FAT3: variants seen among roughly 807,000 people sequenced by gnomAD.
The protein encoded by FAT3 is FAT atypical cadherin 3.
In FAT3, 95 loss-of-function variants were observed where a neutral mutation model predicts 310.2. That is an observed-to-expected ratio of 0.31 (90% CI 0.26 to 0.36). The LOEUF (loss-of-function observed/expected upper bound fraction) is 0.36. FAT3 is among the 10% of genes least tolerant of loss of function. The probability of loss-of-function intolerance (pLI) is 1.00; values close to 1 mark genes in which losing one functional copy is unlikely to be tolerated. For missense variants in FAT3, 5,408 were observed against 5,715.6 expected (o/e 0.95, Z 1.74); for synonymous variants, 2,314 against 2,192.9 (o/e 1.06, Z -1.54).
At chr11:92,789,652 A>G (rs1946985751) in intron 7 of FAT3, among the ~76,000 whole-genome samples, 1 of 152,226 alleles carries the variant, frequency 6.6e-6, no homozygotes, top group African/African-American at 2.4e-5. Context: ...TACATTGTGC[A>G]TCAAAGAATT....
rs540167094 is a variant in FAT3, at chr11:92,742,234, G to A, written c.3670-19622G>A. ...AAAGTCAAGTGAAACATACAAAGGA[G>A]TCATTCTATCTGAATGTGGTCTCTG... On this transcript the variant is annotated intron_variant, in intron 4 of 27. Coordinates refer to ENST00000525166, the MANE Select transcript of FAT3 (RefSeq NM_001367949.2). 2.0e-5 allele frequency among the ~76,000 whole-genome samples: 3 copies of A among 152,332 alleles called. No individual in the cohort carries two copies. The South Asian group carries it at 6.2e-4, about 32-fold the overall frequency.
intron 1 of FAT3, among the ~76,000 whole-genome samples, chr11:92,279,022 T>C (rs552480163): frequency 6.6e-6 from 1 of 152,250 alleles, no homozygotes; most frequent in African/African-American, 2.4e-5. Flanking sequence ...CAGTAACTCT[T>C]AAATAGGAAA....
At chr11:92,406,905 G>A (rs1950147769) in intron 2 of FAT3, among the ~76,000 whole-genome samples, 1 of 152,162 alleles carries the variant, frequency 6.6e-6, no homozygotes, top group Non-Finnish European at 1.5e-5. Flanking sequence ...GCCAGATGAG[G>A]AATCCACTCT....
chr11:92,651,696 TC>T (rs1942384990), intron 3 of FAT3, among the ~76,000 whole-genome samples: 1 of 152,178 alleles, frequency 6.6e-6, no homozygotes, highest in South Asian at 2.1e-4. Flanking sequence ...AAATGGTCAG[TC>T]CCCTGCACAC....
chr11:92,255,675 T>G (rs953127992), intron 1 of FAT3, among the ~76,000 whole-genome samples: 1 of 152,154 alleles, frequency 6.6e-6, no homozygotes, highest in African/African-American at 2.4e-5. Context: ...TCCTAACTTT[T>G]CTGTGCCTCG....
chr11:92,267,713 A>G lies in FAT3; in HGVS notation c.-18+42539A>G, dbSNP rs72968362. ...ACCTAGAAGAATATTAAAGGAAAAT[A>G]AAAAGAAATCTTTAATTCTGTTCTC... On this transcript the variant is annotated intron_variant, in intron 1 of 27. Coordinates refer to ENST00000525166, the MANE Select transcript of FAT3 (RefSeq NM_001367949.2). 3.3e-3 allele frequency among the ~76,000 whole-genome samples: 500 copies of G among 152,298 alleles called. 2 individuals are homozygous for G. Among genetic ancestry groups the G allele is most frequent in the Non-Finnish European group, 5.8e-3 (393 of 68,018 alleles).
chr11:92,676,668 C>G (rs1359134563), intron 3 of FAT3, among the ~76,000 whole-genome samples: 1 of 152,100 alleles, frequency 6.6e-6, no homozygotes, highest in East Asian at 1.9e-4. Context: ...AGAAGTGGAT[C>G]TTAGTCAAAG....
At position 92,798,679 on chromosome 11, in the gene FAT3, A is replaced by G. The variant is rs570561713; in HGVS notation, c.5666A>G (p.Glu1889Gly). ...CCTGTTTTTACTCAGGCTGTGTTTG[A>G]GACTATCTTACTTCTACCTACCTAT... ...NPPVFTQAVF[E>G]TILLLPTYVG... The change falls in exon 10 of 28, where the codon GAG (glutamate) becomes GGG (glycine). Residue 1889 changes from glutamate (E) to glycine (G), a missense_variant. Glu to Gly is a moderately conservative substitution (Grantham distance 98, BLOSUM62 -2). This residue lies in a region of FAT3 where 4,588 missense variants were observed against 4,809.8 expected (regional missense o/e 0.95). Transcript: ENST00000525166. The G allele has an allele frequency of 1.3e-4, 211 of 1,613,768 alleles. No individual in the cohort carries two copies. Among genetic ancestry groups the G allele is most frequent in the Non-Finnish European group, 1.6e-4 (188 of 1,179,832 alleles).
At chr11:92,387,063 A>AGT (rs67529435) in intron 2 of FAT3, among the ~76,000 whole-genome samples, 3,789 of 144,116 alleles carry the variant, frequency 0.026, 76 homozygotes, top group South Asian at 0.049. Flanking sequence ...TATGGGAGCT[A>AGT]GTGTGTGTGT....
chr11:92,655,667 T>C (rs937276940), intron 3 of FAT3, among the ~76,000 whole-genome samples: 1 of 152,216 alleles, frequency 6.6e-6, no homozygotes, highest in Non-Finnish European at 1.5e-5. Context: ...CAGCTAGAAG[T>C]GCCCTCTTCT....
chr11:92,329,992 A>G (rs1239147155), intron 1 of FAT3, among the ~76,000 whole-genome samples: 1 of 152,174 alleles, frequency 6.6e-6, no homozygotes, highest in East Asian at 2.0e-4. Context: ...GCAAGTTTTT[A>G]AAGTCAAACA....
intron 2 of FAT3, among the ~76,000 whole-genome samples, chr11:92,447,199 A>G (rs1480216137): frequency 7.4e-6 from 1 of 135,598 alleles, no homozygotes; most frequent in Non-Finnish European, 1.5e-5. Context: ...GTGTGTTCAT[A>G]TATATGTGTA....
rs367843871 is a variant in FAT3 at position 92,229,489 on chromosome 11, CGTG to C, written c.-18+4316_-18+4318del. On this transcript the variant is annotated intron_variant, in intron 1 of 27. Transcript: ENST00000525166. Reference sequence around the variant, plus strand: ...TCCTTGTTTTCTTTTTTTGTTTTTTCGTGTTTTTTTTTTTTTTGTTTTTTGTTT... The same window carrying C: ...TCCTTGTTTTCTTTTTTTGTTTTTTCTTTTTTTTTTTTTTGTTTTTTGTTT... Among the ~76,000 whole-genome samples the C allele has an allele frequency of 3.5e-4, 17 of 48,654 alleles. 1 individual carries two copies. Among genetic ancestry groups the C allele is most frequent in the African/African-American group, 9.7e-4 (12 of 12,346 alleles). The allele number at this position is 48,654 out of a possible 152,430, so 31.9% of individuals were successfully genotyped here.
intron 3 of FAT3, among the ~76,000 whole-genome samples, chr11:92,551,199 T>C (rs1196817638): frequency 1.3e-5 from 2 of 152,084 alleles, no homozygotes; most frequent in Non-Finnish European, 2.9e-5. Flanking sequence ...ATCTGGATCC[T>C]GTCTGAATTT....
Position 92,815,490 on chromosome 11 carries a change from A to G in FAT3, c.9481+5414A>G, listed in dbSNP as rs572776277. On this transcript the variant is annotated intron_variant, in intron 13 of 27. Coordinates refer to ENST00000525166, the MANE Select transcript of FAT3 (RefSeq NM_001367949.2). ...TGGGAGGCTGAGGCAGGAGAATGGCATGAACCCAGAAGGCAGAGCTTGCTG... is the reference window on the plus strand; with the variant it reads ...TGGGAGGCTGAGGCAGGAGAATGGCGTGAACCCAGAAGGCAGAGCTTGCTG... 7.7e-4 allele frequency among the ~76,000 whole-genome samples: 117 copies of G among 152,092 alleles called. 1 individual carries two copies. The highest frequency in any genetic ancestry group is 2.7e-3 in the African/African-American group (112 of 41,508).
chr11:92,379,689 C>CAG (rs35883582), intron 2 of FAT3, among the ~76,000 whole-genome samples: 55,626 of 151,974 alleles, frequency 0.37, 14,539 homozygotes, highest in African/African-American at 0.75. Context: ...CAGTCAGGAG[C>CAG]AGTCTTCAGA....
At chr11:92,245,265 C>T (rs1864851202) in intron 1 of FAT3, among the ~76,000 whole-genome samples, 1 of 151,924 alleles carries the variant, frequency 6.6e-6, no homozygotes, top group Admixed American at 6.6e-5. Flanking sequence ...ATCGCATGTT[C>T]TCACTCATAA....
chr11:92,329,098 T>TA (rs1426360671), intron 1 of FAT3, among the ~76,000 whole-genome samples: 3 of 151,814 alleles, frequency 2.0e-5, no homozygotes, highest in African/African-American at 7.3e-5. Flanking sequence ...TCCAGACTTT[T>TA]TTTTTTTCAA....
intron 1 of FAT3, among the ~76,000 whole-genome samples, chr11:92,298,070 G>A (rs1020690018): frequency 1.3e-5 from 2 of 152,096 alleles, no homozygotes; most frequent in South Asian, 4.1e-4. Flanking sequence ...GATAAGACAA[G>A]TGGTGATTGA....
Sources: allele counts gnomAD v4.1 joint callset (sites outside exome capture counted in the v4.1 genomes callset), GRCh38; gene constraint gnomAD v4.1.1; regional missense constraint gnomAD v4.1.1; transcripts MANE v1.5; gene names NCBI Gene and HGNC (gene_info 2026-07-23, HGNC 2026-07-21).